The following EYA1 variants were observed in gnomAD, a reference collection of about 807,000 sequenced individuals.
EYA1 encodes the protein protein phosphatase EYA1.
EYA1 carries 16 observed loss-of-function variants against 82.0 expected under a neutral mutation model. That is an observed-to-expected ratio of 0.20 (90% CI 0.13 to 0.30). The LOEUF (loss-of-function observed/expected upper bound fraction) is 0.30, where lower values mean the gene tolerates loss of function less well. EYA1 is among the 10% of genes least tolerant of loss of function. EYA1 has a pLI of 1.00. For missense variants in EYA1, 633 were observed against 730.7 expected (o/e 0.87, Z 1.54); for synonymous variants, 261 against 264.4 (o/e 0.99, Z 0.12).
At chr8:71,215,296 T>C (rs539420059) in intron 16 of EYA1, 91 bp downstream of exon 16, 108 of 1,268,798 alleles carry the variant, frequency 8.5e-5, no homozygotes, top group Non-Finnish European at 1.2e-4. Flanking sequence ...CTATGTAGCA[T>C]TCTGGAAAAA....
chr8:71,473,892 C>T (rs1228875806), intron 2 of EYA1, among the ~76,000 whole-genome samples: 2 of 152,086 alleles, frequency 1.3e-5, no homozygotes, highest in African/African-American at 4.8e-5. Context: ...AGTTCATGGC[C>T]TTTGCAGGGA....
intron 2 of EYA1, among the ~76,000 whole-genome samples, chr8:71,368,575 G>GAC (rs2129086909): frequency 6.6e-6 from 1 of 152,216 alleles, no homozygotes; most frequent in East Asian, 1.9e-4. Context: ...TTAAAAGAAT[G>GAC]ACAGCCTATG....
intron 2 of EYA1, among the ~76,000 whole-genome samples, chr8:71,388,200 C>T (rs984566939): frequency 6.6e-6 from 1 of 152,198 alleles, no homozygotes; most frequent in Non-Finnish European, 1.5e-5. Flanking sequence ...TTAACTTTCA[C>T]TTCATCCAGA....
At chr8:71,378,226 A>G (rs1042408451) in intron 2 of EYA1, among the ~76,000 whole-genome samples, 3 of 152,044 alleles carry the variant, frequency 2.0e-5, no homozygotes, top group Admixed American at 6.6e-5. Context: ...CATTAAGATT[A>G]GGCTTGCAGG....
intron 9 of EYA1, among the ~76,000 whole-genome samples, chr8:71,292,119 G>A (rs1273915796): frequency 2.6e-5 from 4 of 152,068 alleles, no homozygotes; most frequent in African/African-American, 7.2e-5. Flanking sequence ...AATTTTCTTC[G>A]TAATAATACT....
chr8:71,312,155 G>C (rs754421527), intron 7 of EYA1, among the ~76,000 whole-genome samples: 10 of 152,270 alleles, frequency 6.6e-5, no homozygotes, highest in Non-Finnish European at 1.5e-4. Flanking sequence ...TCATGAATTG[G>C]TGTTTGACTA....
chr8:71,217,898 G>A (rs1809418459), intron 12 of EYA1, among the ~76,000 whole-genome samples: 1 of 152,172 alleles, frequency 6.6e-6, no homozygotes, highest in Admixed American at 6.5e-5. Context: ...ATATATCGGA[G>A]CACCCATATA....
At chr8:71,362,631 C>A (rs1361833743), upstream of EYA1, among the ~76,000 whole-genome samples, 7 of 152,080 alleles carry the variant, frequency 4.6e-5, no homozygotes, top group Admixed American at 4.6e-4. Context: ...ATAATGAAAG[C>A]CTGAAGGATG....
intron 9 of EYA1, among the ~76,000 whole-genome samples, chr8:71,286,445 A>C (rs576817460): frequency 1.3e-5 from 2 of 152,306 alleles, no homozygotes; most frequent in East Asian, 3.9e-4. Context: ...AAATATCTGG[A>C]GGCATGGAGC....
intron 9 of EYA1, among the ~76,000 whole-genome samples, chr8:71,292,572 T>C: frequency 6.6e-6 from 1 of 152,180 alleles, no homozygotes; most frequent in South Asian, 2.1e-4. Context: ...GAGAAAGCCA[T>C]TTAATCTGTA....
chr8:71,357,552 A>G (rs2129073470), intron 1 of EYA1, among the ~76,000 whole-genome samples: 1 of 152,364 alleles, frequency 6.6e-6, no homozygotes, highest in East Asian at 1.9e-4. Context: ...GTGCATTTTC[A>G]TTCAACCTGA....
intron 2 of EYA1, among the ~76,000 whole-genome samples, chr8:71,447,100 AT>A (rs1806950506): frequency 1.3e-5 from 2 of 150,080 alleles, no homozygotes; most frequent in South Asian, 4.2e-4. Flanking sequence ...ATATATATAT[AT>A]ATAAAATTAG....
At chr8:71,386,833 T>A (rs1234428726) in intron 2 of EYA1, among the ~76,000 whole-genome samples, 3 of 152,228 alleles carry the variant, frequency 2.0e-5, no homozygotes, top group Non-Finnish European at 4.4e-5. Flanking sequence ...TATCTGCTTC[T>A]ATTTCATGAC....
intron 12 of EYA1, among the ~76,000 whole-genome samples, chr8:71,236,361 T>TACATGTTGAAGAGGTATG (rs1312960206): frequency 6.6e-6 from 1 of 152,188 alleles, no homozygotes; most frequent in Non-Finnish European, 1.5e-5. Flanking sequence ...AAATATGCCA[T>TACATGTTGAAGAGGTATG]ACATGTTGAA....
In EYA1 at chr8:71,315,803, T is replaced by C. The variant is rs564459838; in HGVS notation, c.556+1749A>G. On this transcript the variant is annotated intron_variant, in intron 7 of 17. Transcript: ENST00000340726. ...GTTTTGGAATGAGGCACATAAATAA[T>C]ATCCTTCTACCAATAAATGCTATCT... is the stretch of plus-strand genomic sequence containing the variant. Among the ~76,000 whole-genome samples, 17 of 152,364 alleles carry C rather than the reference T, an allele frequency of 1.1e-4. No individual in the cohort carries two copies. In the South Asian group the frequency reaches 3.3e-3, roughly 30 times the overall value.
intron 2 of EYA1, among the ~76,000 whole-genome samples, chr8:71,502,930 T>C (rs575474294): frequency 2.6e-5 from 4 of 152,348 alleles, no homozygotes; most frequent in African/African-American, 7.2e-5. Context: ...TGAGTTCCAC[T>C]CTGCCCCACC....
intron 12 of EYA1, among the ~76,000 whole-genome samples, chr8:71,243,421 A>C (rs560113797): frequency 2.8e-4 from 43 of 152,376 alleles, no homozygotes; most frequent in African/African-American, 1.0e-3. Flanking sequence ...CCTTAAAAAA[A>C]TAGTAATGCC....
intron 12 of EYA1, among the ~76,000 whole-genome samples, chr8:71,239,050 A>T (rs182208710): frequency 3.3e-5 from 5 of 152,106 alleles, no homozygotes; most frequent in Non-Finnish European, 7.4e-5. Flanking sequence ...ATATACTTTT[A>T]TATTTCTATT....
intron 17 of EYA1, 121 bp from the exon 18 acceptor site, chr8:71,199,541 A>G (rs1806670295): frequency 2.8e-6 from 2 of 706,226 alleles, no homozygotes; most frequent in Non-Finnish European, 2.6e-6. Flanking sequence ...GCCAGCTAAC[A>G]TCTTAACATC....
Sources: allele counts gnomAD v4.1 joint callset (sites outside exome capture counted in the v4.1 genomes callset), GRCh38; gene constraint gnomAD v4.1.1; transcripts MANE v1.5; gene names NCBI Gene and HGNC (gene_info 2026-07-23, HGNC 2026-07-21).